The following SYT1 variants were observed in gnomAD, a reference collection of about 807,000 sequenced individuals.
SYT1 encodes synaptotagmin 1.
A neutral mutation model predicts 44.8 loss-of-function variants in SYT1; 8 were observed. The ratio of observed to expected loss-of-function variants is 0.18; its 90% confidence interval spans 0.10 to 0.32. The LOEUF is 0.32. SYT1 is among the 10% of genes least tolerant of loss of function. The pLI is 1.00. For synonymous variants in SYT1, 154 were observed against 188.8 expected (o/e 0.82, Z 1.51); for missense variants, 286 against 509.3 (o/e 0.56, Z 4.22).
chr12:78,958,428 C>T (rs1879327624), intron 1 of SYT1, among the ~76,000 whole-genome samples: 1 of 152,040 alleles, frequency 6.6e-6, no homozygotes, highest in South Asian at 2.1e-4. Flanking sequence ...GGAGCCATGG[C>T]TTACACCAGA....
rs373264605 is a variant in SYT1, at chr12:78,929,446, A to AAAAAAAAAAAAAAAAAAG, written c.-216-48353_-216-48352insAAAAAAAAAAAAAAAAAG. ...AAAAAAAAAAAAAAAAAAAAAAAAA[A>AAAAAAAAAAAAAAAAAAG]GGTTATTAGCAGCAATTAGTTTTAT... On this transcript the variant is annotated intron_variant, in intron 1 of 10. Transcript: ENST00000261205. Among the ~76,000 whole-genome samples, 121 of 128,582 alleles carry AAAAAAAAAAAAAAAAAAG rather than the reference A, an allele frequency of 9.4e-4. 23 individuals are homozygous for AAAAAAAAAAAAAAAAAAG. Among genetic ancestry groups the AAAAAAAAAAAAAAAAAAG allele is most frequent in the African/African-American group, 4.5e-3 (117 of 25,898 alleles). The allele number at this position is 128,582 out of a possible 152,430, so 84.4% of individuals were successfully genotyped here.
intron 8 of SYT1, among the ~76,000 whole-genome samples, chr12:79,350,924 G>T (rs1882871694): frequency 6.6e-6 from 1 of 152,238 alleles, no homozygotes; most frequent in African/African-American, 2.4e-5. Flanking sequence ...ATATCTTGGA[G>T]ATCCAGAAGT....
intron 3 of SYT1, among the ~76,000 whole-genome samples, chr12:79,195,171 T>G (rs1041967574): frequency 2.0e-4 from 30 of 152,324 alleles, no homozygotes; most frequent in African/African-American, 7.2e-4. Context: ...TTCCACATTA[T>G]ATTACACGTA....
chr12:79,202,384 T>C (rs1873841841), intron 3 of SYT1, among the ~76,000 whole-genome samples: 1 of 152,216 alleles, frequency 6.6e-6, no homozygotes, highest in African/African-American at 2.4e-5. Flanking sequence ...CCCCGCTTTC[T>C]TAAAGTGGTG....
At chr12:79,268,541 C>T (rs188385087) in intron 4 of SYT1, among the ~76,000 whole-genome samples, 175 of 152,306 alleles carry the variant, frequency 1.1e-3, no homozygotes, top group African/African-American at 4.0e-3. Flanking sequence ...ATGAATGAGT[C>T]TCTCTTCTAG....
chr12:79,352,015 G>C (rs1882925708), intron 8 of SYT1, among the ~76,000 whole-genome samples: 1 of 152,034 alleles, frequency 6.6e-6, no homozygotes, highest in Admixed American at 6.5e-5. Context: ...ATGCTATGGG[G>C]ACTCAAGAAA....
At chr12:79,322,166 A>T (rs1048470866) in intron 8 of SYT1, among the ~76,000 whole-genome samples, 16 of 152,192 alleles carry the variant, frequency 1.1e-4, no homozygotes, top group African/African-American at 3.9e-4. Flanking sequence ...TGAGAACGAA[A>T]ATGGTTCTTC....
intron 1 of SYT1, among the ~76,000 whole-genome samples, chr12:78,964,711 C>T (rs1351616017): frequency 6.6e-6 from 1 of 152,180 alleles, no homozygotes; most frequent in African/African-American, 2.4e-5. Context: ...ACCTTAATCC[C>T]CTGCAACTGT....
intron 3 of SYT1, among the ~76,000 whole-genome samples, chr12:79,122,977 G>A (rs574412931): frequency 6.6e-6 from 1 of 152,324 alleles, no homozygotes; most frequent in African/African-American, 2.4e-5. Flanking sequence ...GAATGATAAT[G>A]AGAAGAGAGC....
intron 4 of SYT1, among the ~76,000 whole-genome samples, chr12:79,238,309 T>G (rs1876306801): frequency 6.6e-6 from 1 of 152,110 alleles, no homozygotes; most frequent in South Asian, 2.1e-4. Context: ...CAACTTTTTT[T>G]TCTTTTTGGA....
intron 3 of SYT1, among the ~76,000 whole-genome samples, chr12:79,211,366 A>T (rs1407245662): frequency 6.6e-6 from 1 of 152,208 alleles, no homozygotes; most frequent in African/African-American, 2.4e-5. Context: ...AAACATCCTT[A>T]TATTAAATTG....
At position 79,157,465 on chromosome 12, in the gene SYT1, C is replaced by G. The variant is rs182343283; in HGVS notation, c.-17-60038C>G. Among the ~76,000 whole-genome samples, 39 of 152,242 alleles carry G rather than the reference C, an allele frequency of 2.6e-4. No homozygotes were observed. In the East Asian group the frequency reaches 6.2e-3, roughly 24 times the overall value. ...TGAAATAGAAAGTGACAAAAAGTCC[C>G]CCACTTTAAATGAAACCTAAACATG... is the stretch of plus-strand genomic sequence containing the variant. On this transcript the variant is annotated intron_variant, in intron 3 of 10. Transcript: ENST00000261205.
chr12:79,216,260 G>T (rs1423974327), intron 3 of SYT1, among the ~76,000 whole-genome samples: 2 of 152,046 alleles, frequency 1.3e-5, no homozygotes, highest in African/African-American at 4.8e-5. Flanking sequence ...AATCTTGTTT[G>T]CTGGTTATCT....
intron 8 of SYT1, among the ~76,000 whole-genome samples, chr12:79,347,791 G>C (rs1297933480): frequency 6.6e-6 from 1 of 152,126 alleles, no homozygotes; most frequent in East Asian, 1.9e-4. Context: ...AGACATAATA[G>C]AATGTCAAGT....
intron 4 of SYT1, among the ~76,000 whole-genome samples, chr12:79,279,126 C>G (rs568430939): frequency 1.9e-4 from 29 of 151,914 alleles, no homozygotes; most frequent in African/African-American, 7.0e-4. Flanking sequence ...TCCAGTGGAT[C>G]AAGAAGGAGA....
chr12:79,389,766 C>G lies in SYT1; in HGVS notation c.928+36147C>G, dbSNP rs148692841. On this transcript the variant is annotated intron_variant, in intron 9 of 10. Transcript: ENST00000261205. ...CAGTTCTACCATAAGCAGTAGCATG[C>G]AATTTTAGCTATAGCTCTAGAAGTA... Among the ~76,000 whole-genome samples, 194 of 152,226 alleles carry G rather than the reference C, an allele frequency of 1.3e-3. 2 individuals are homozygous for G. Among genetic ancestry groups the G allele is most frequent in the African/African-American group, 4.4e-3 (184 of 41,550 alleles).
At chr12:78,974,663 C>G (rs1868684074) in intron 1 of SYT1, among the ~76,000 whole-genome samples, 2 of 152,088 alleles carry the variant, frequency 1.3e-5, no homozygotes, top group African/African-American at 2.4e-5. Context: ...GTCTCGATCT[C>G]CTGACCTCGT....
At chr12:79,297,402 A>G (rs1466037411) in intron 7 of SYT1, among the ~76,000 whole-genome samples, 4 of 152,156 alleles carry the variant, frequency 2.6e-5, no homozygotes, top group Non-Finnish European at 4.4e-5. Context: ...AATAGTAATC[A>G]CAGTTGTTTT....
At chr12:79,302,926 TTTC>T (rs1210704622) in intron 8 of SYT1, among the ~76,000 whole-genome samples, 1 of 152,196 alleles carries the variant, frequency 6.6e-6, no homozygotes, top group African/African-American at 2.4e-5. Flanking sequence ...AAAACTGTTG[TTTC>T]TTAATTTTTT....
Sources: allele counts gnomAD v4.1 joint callset (sites outside exome capture counted in the v4.1 genomes callset), GRCh38; gene constraint gnomAD v4.1.1; transcripts MANE v1.5; gene names NCBI Gene and HGNC (gene_info 2026-07-23, HGNC 2026-07-21).